Variants in CTNNA2 observed in about 807,000 individuals in gnomAD.
The protein encoded by CTNNA2 is catenin alpha-2.
In CTNNA2, 42 loss-of-function variants were observed where a neutral mutation model predicts 101.0. The ratio of observed to expected loss-of-function variants is 0.42; its 90% CI spans 0.32 to 0.54. The LOEUF (loss-of-function observed/expected upper bound fraction) is 0.54. CTNNA2 is among the 20% of genes least tolerant of loss of function. CTNNA2 has a pLI of 0.14. For synonymous variants in CTNNA2, 450 were observed against 456.4 expected (o/e 0.99, Z 0.18); for missense variants, 871 against 1,223.1 (o/e 0.71, Z 4.29).
chr2:80,641,226 A>G (rs904690972), intron 18 of CTNNA2, among the ~76,000 whole-genome samples: 7 of 152,162 alleles, frequency 4.6e-5, no homozygotes, highest in Non-Finnish European at 1.0e-4. Context: ...CACCTTCCAG[A>G]TGGATTTGGC....
At chr2:79,637,060 A>G (rs989514406) in intron 1 of CTNNA2, 2 of 152,176 alleles carry the variant, frequency 1.3e-5, no homozygotes, top group African/African-American at 4.8e-5. Context: ...TTGTTGTGGG[A>G]TGGGGAATGA....
chr2:80,324,764 G>C (rs2149252299), intron 7 of CTNNA2, among the ~76,000 whole-genome samples: 1 of 151,596 alleles, frequency 6.6e-6, no homozygotes, highest in East Asian at 2.0e-4. Flanking sequence ...GTCTCTTATT[G>C]GTTTTATTCC....
At chr2:80,105,896 G>A (rs1231107193) in intron 7 of CTNNA2, among the ~76,000 whole-genome samples, 1 of 152,196 alleles carries the variant, frequency 6.6e-6, no homozygotes, top group Non-Finnish European at 1.5e-5. Flanking sequence ...GCAGGCAAAA[G>A]AAGATGGTCT....
chr2:80,264,977 GT>G (rs34918157), intron 7 of CTNNA2, among the ~76,000 whole-genome samples: 111,023 of 139,300 alleles, frequency 0.8, 44,152 homozygotes, highest in East Asian at 0.85. Flanking sequence ...GGGAAGAGGT[GT>G]TTTTTTTTTT....
chr2:80,341,629 A>T (rs1292870889), intron 7 of CTNNA2, among the ~76,000 whole-genome samples: 1 of 152,198 alleles, frequency 6.6e-6, no homozygotes, highest in Non-Finnish European at 1.5e-5. Flanking sequence ...GTGGGAGAGG[A>T]TATGGAGAAA....
intron 8 of CTNNA2, among the ~76,000 whole-genome samples, chr2:80,399,797 A>T (rs1678387590): frequency 6.6e-6 from 1 of 152,236 alleles, no homozygotes; most frequent in African/African-American, 2.4e-5. Flanking sequence ...GATCCACTGT[A>T]GGATTATGAA....
intron 7 of CTNNA2, among the ~76,000 whole-genome samples, chr2:79,970,238 G>C (rs1032402522): frequency 6.6e-6 from 1 of 152,118 alleles, no homozygotes; most frequent in African/African-American, 2.4e-5. Context: ...AAGAGGAAAG[G>C]CTCCCCCAAA....
At chr2:79,379,450 C>T (rs1678015746) in intron 4 of CTNNA2, among the ~76,000 whole-genome samples, 1 of 152,148 alleles carries the variant, frequency 6.6e-6, no homozygotes, top group Non-Finnish European at 1.5e-5. Flanking sequence ...ACCATAGGGC[C>T]TTTATCATAG....
At chr2:79,194,013 G>C (rs1405341596) in intron 1 of CTNNA2, among the ~76,000 whole-genome samples, 1 of 152,164 alleles carries the variant, frequency 6.6e-6, no homozygotes, top group Non-Finnish European at 1.5e-5. Flanking sequence ...ATGTACTATA[G>C]TAACTTTATG....
chr2:79,476,560 T>C (rs1043876010), intron 4 of CTNNA2, among the ~76,000 whole-genome samples: 2 of 152,148 alleles, frequency 1.3e-5, no homozygotes, highest in Admixed American at 1.3e-4. Flanking sequence ...GGACAAAACA[T>C]GACTGGTATA....
At chr2:79,998,017 A>G (rs959140383) in intron 7 of CTNNA2, among the ~76,000 whole-genome samples, 1 of 152,194 alleles carries the variant, frequency 6.6e-6, no homozygotes, top group South Asian at 2.1e-4. Flanking sequence ...CTAAAATCCT[A>G]ATTAAATATG....
chr2:79,915,421 T>C (rs1345464102), intron 7 of CTNNA2, among the ~76,000 whole-genome samples: 1 of 152,226 alleles, frequency 6.6e-6, no homozygotes, highest in African/African-American at 2.4e-5. Context: ...TGTGAATATG[T>C]TACCATATCA....
intron 7 of CTNNA2, among the ~76,000 whole-genome samples, chr2:80,234,458 A>G (rs1482515551): frequency 6.6e-6 from 1 of 152,228 alleles, no homozygotes; most frequent in Non-Finnish European, 1.5e-5. Context: ...TATTTCACTA[A>G]TCTTTCATTA....
intron 2 of CTNNA2, among the ~76,000 whole-genome samples, chr2:79,738,357 G>C (rs1412392443): frequency 6.6e-6 from 1 of 152,226 alleles, no homozygotes; most frequent in East Asian, 1.9e-4. Flanking sequence ...CTAGAGCAAA[G>C]TTGAGTATTC....
intron 7 of CTNNA2, among the ~76,000 whole-genome samples, chr2:80,205,916 A>G (rs1707503600): frequency 1.3e-5 from 2 of 152,246 alleles, no homozygotes; most frequent in African/African-American, 4.8e-5. Context: ...AGTTTTTTAA[A>G]TTGATTCAGG....
At chr2:79,399,054 A>G (rs1465644932) in intron 4 of CTNNA2, among the ~76,000 whole-genome samples, 1 of 152,068 alleles carries the variant, frequency 6.6e-6, no homozygotes, top group East Asian at 1.9e-4. Context: ...TTCCCAAAGA[A>G]TGTTCACTAT....
At chr2:79,642,842 G>T (rs1019758404) in intron 1 of CTNNA2, among the ~76,000 whole-genome samples, 2 of 150,678 alleles carry the variant, frequency 1.3e-5, no homozygotes, top group African/African-American at 4.9e-5. Flanking sequence ...ACTCTCTTCA[G>T]CGCCAGAAAA....
intron 7 of CTNNA2, among the ~76,000 whole-genome samples, chr2:79,926,141 C>A (rs2974152): frequency 0.97 from 147,357 of 152,156 alleles, 71,400 homozygotes; most frequent in East Asian, 1. Context: ...GGTTCTGGCC[C>A]CCTCTTCACG....
At chr2:79,531,210 A>G (rs1672721229) in intron 1 of CTNNA2, among the ~76,000 whole-genome samples, 1 of 70,226 alleles carries the variant, frequency 1.4e-5, no homozygotes, top group Non-Finnish European at 3.0e-5. Flanking sequence ...ATATATATAT[A>G]TATATATATA....
Sources: allele counts gnomAD v4.1 joint callset (sites outside exome capture counted in the v4.1 genomes callset), GRCh38; gene constraint gnomAD v4.1.1; transcripts MANE v1.5; gene names NCBI Gene and HGNC (gene_info 2026-07-23, HGNC 2026-07-21).